STK24: variants seen among roughly 807,000 people sequenced by gnomAD.
The protein encoded by STK24 is serine/threonine kinase 24.
A neutral mutation model predicts 55.6 loss-of-function variants in STK24; 21 were observed. The ratio of observed to expected loss-of-function variants is 0.38; its 90% CI spans 0.27 to 0.54. The LOEUF is 0.54. STK24 is among the 20% of genes least tolerant of loss of function. The pLI is 0.79. For synonymous variants in STK24, 200 were observed against 215.2 expected (o/e 0.93, Z 0.62); for missense variants, 383 against 538.4 (o/e 0.71, Z 2.86).
intron 1 of STK24, among the ~76,000 whole-genome samples, chr13:98,561,139 A>C (rs895242498): frequency 6.6e-6 from 1 of 152,190 alleles, no homozygotes; most frequent in Non-Finnish European, 1.5e-5. Flanking sequence ...CAGGAGTGTA[A>C]GTGTAACACC....
intron 1 of STK24, among the ~76,000 whole-genome samples, chr13:98,533,718 A>G (rs1450777463): frequency 6.6e-6 from 1 of 152,122 alleles, no homozygotes; most frequent in Non-Finnish European, 1.5e-5. Flanking sequence ...AAACACTACT[A>G]TACCACCTAG....
At position 98,451,169 on chromosome 13, in the gene STK24, T is replaced by TA. The variant is rs1893172267; in HGVS notation, c.*2003dup. ...CCATTTGTAAATCTGAAGAACTCTG[T>TA]AAATCAGAAAAGCTGCTGTCCGCCC... On this transcript the variant is annotated 3_prime_UTR_variant, in exon 11 of 11. Transcript: ENST00000539966. 6.6e-6 allele frequency: 1 copy of TA among 152,132 alleles called. No homozygotes were observed. The highest frequency in any genetic ancestry group is 6.5e-5 in the Admixed American group (1 of 15,284). 9.4% of individuals were successfully genotyped at this position (152,132 alleles called of 1,614,324 possible). A position where few individuals can be genotyped will look rare whatever the true frequency, so the allele number is the denominator to read the frequency against.
At chr13:98,491,337 G>A (rs1445593696) in intron 2 of STK24, among the ~76,000 whole-genome samples, 1 of 152,192 alleles carries the variant, frequency 6.6e-6, no homozygotes, top group Non-Finnish European at 1.5e-5. Flanking sequence ...AGCGGGGAGG[G>A]AGACCCCAGG....
chr13:98,519,565 C>G (rs1896187203), intron 1 of STK24, 92 bp from the exon 2 acceptor site: 9 of 1,007,322 alleles, frequency 8.9e-6, no homozygotes, highest in Admixed American at 1.9e-5. Context: ...ATAGACCACA[C>G]TGTCTTCCAG....
Position 98,463,916 on chromosome 13 carries a change from T to C in STK24, c.784-80A>G, listed in dbSNP as rs1033070296. On this transcript the variant is annotated intron_variant, in intron 6 of 10. Transcript: ENST00000539966. ...CAAAGGACAGACTTCTGCCTCAAAA[T>C]GTCAACCGCCACACTGACACCTGAT... 28 of 1,505,946 alleles carry C rather than the reference T, an allele frequency of 1.9e-5. No homozygotes were observed. In the African/African-American group the frequency reaches 3.9e-4, roughly 21 times the overall value. The allele number at this position is 1,505,946 out of a possible 1,614,324, so 93.3% of individuals were successfully genotyped here. A position where few individuals can be genotyped will look rare whatever the true frequency, so the allele number is the denominator to read the frequency against.
intron 3 of STK24, 126 bp from the exon 4 acceptor site, chr13:98,475,484 A>G: frequency 1.5e-6 from 1 of 647,170 alleles, no homozygotes; most frequent in South Asian, 2.3e-5. Context: ...TCTTCACTTA[A>G]AACACATGAT....
chr13:98,458,011 C>T (rs543341959), intron 9 of STK24, among the ~76,000 whole-genome samples: 2 of 152,342 alleles, frequency 1.3e-5, no homozygotes, highest in South Asian at 4.1e-4. Context: ...GATCTCAACA[C>T]TGCTTACTTC....
At chr13:98,499,429 C>T (rs1042150820) in intron 2 of STK24, among the ~76,000 whole-genome samples, 13 of 152,104 alleles carry the variant, frequency 8.5e-5, no homozygotes, top group Non-Finnish European at 1.5e-4. Context: ...GGAGTGATTG[C>T]GTATGGAAAG....
intron 1 of STK24, among the ~76,000 whole-genome samples, chr13:98,545,952 A>G (rs1897019102): frequency 6.6e-6 from 1 of 152,232 alleles, no homozygotes; most frequent in South Asian, 2.1e-4. Flanking sequence ...TGAAGCTAAA[A>G]AAAACATGAA....
At chr13:98,518,106 C>T (rs1326811894) in intron 2 of STK24, among the ~76,000 whole-genome samples, 1 of 152,226 alleles carries the variant, frequency 6.6e-6, no homozygotes, top group African/African-American at 2.4e-5. Context: ...CCAAAACTCA[C>T]TCTTTCCATT....
At chr13:98,505,830 C>T (rs1895661991) in intron 2 of STK24, among the ~76,000 whole-genome samples, 1 of 152,086 alleles carries the variant, frequency 6.6e-6, no homozygotes, top group Non-Finnish European at 1.5e-5. Flanking sequence ...TCTGCTTTTC[C>T]CGGGACAAAG....
At chr13:98,466,695 A>C in intron 5 of STK24, 134 bp from the exon 6 acceptor site, 1 of 984,948 alleles carries the variant, frequency 1.0e-6, no homozygotes, top group Non-Finnish European at 1.4e-6. Context: ...ATATTTAAAA[A>C]CATAAGCCCT....
At position 98,461,738 on chromosome 13, in the gene STK24, A is replaced by AC. The variant is rs750559494; in HGVS notation, c.1053+35_1053+36insG. On this transcript the variant is annotated intron_variant, in intron 8 of 10. Coordinates refer to ENST00000539966, the MANE Select transcript of STK24 (RefSeq NM_001032296.4). ...AGTGCCTCCAAAACACTGCAGACTG[A>AC]GGTCAGCGTGGCCATTCTGGAGTGA... 1.2e-5 allele frequency: 19 copies of AC among 1,606,568 alleles called. No individual in the cohort carries two copies. The East Asian group carries it at 1.3e-4, about 11-fold the overall frequency.
chr13:98,500,789 G>C (rs1318432971), intron 2 of STK24, among the ~76,000 whole-genome samples: 1 of 151,856 alleles, frequency 6.6e-6, no homozygotes, highest in African/African-American at 2.4e-5. Context: ...GTGCTGGGTA[G>C]GCCCAACTTA....
At chr13:98,532,257 A>G (rs1312228616) in intron 1 of STK24, among the ~76,000 whole-genome samples, 1 of 152,026 alleles carries the variant, frequency 6.6e-6, no homozygotes, top group Admixed American at 6.6e-5. Context: ...GCAGGGGAGG[A>G]GGCACCTCCC....
In STK24 at chr13:98,489,217, C is replaced by T. The variant is rs147124104; in HGVS notation, c.274-6896G>A. 2.6e-4 allele frequency among the ~76,000 whole-genome samples: 39 copies of T among 152,242 alleles called. No homozygotes were observed. In the East Asian group the frequency reaches 6.6e-3, roughly 26 times the overall value. ...GGCTTCGATGATGATGAAGTGAGGC[C>T]GTGTACACAGCAAGACTCATCAACT... On this transcript the variant is annotated intron_variant, in intron 2 of 10. Transcript: ENST00000539966.
chr13:98,520,709 A>G (rs1455323937), intron 1 of STK24, among the ~76,000 whole-genome samples: 1 of 152,232 alleles, frequency 6.6e-6, no homozygotes, highest in Non-Finnish European at 1.5e-5. Context: ...CTCCAAGGTG[A>G]GACACACTGA....
chr13:98,534,165 AC>A (rs1422570766), intron 1 of STK24, among the ~76,000 whole-genome samples: 1 of 152,008 alleles, frequency 6.6e-6, no homozygotes, highest in East Asian at 1.9e-4. Context: ...CCACCAGGGA[AC>A]CTCAGCCCTG....
intron 1 of STK24, among the ~76,000 whole-genome samples, chr13:98,570,008 C>G (rs1897697930): frequency 6.6e-6 from 1 of 151,844 alleles, no homozygotes; most frequent in Admixed American, 6.6e-5. Context: ...TCCCAAGTAG[C>G]TGGGAATACA....
Sources: gnomAD v4.1 joint callset for allele counts (sites outside exome capture counted in the v4.1 genomes callset) on GRCh38, gnomAD v4.1.1 for gene constraint, MANE v1.5 for transcripts, NCBI Gene and HGNC (gene_info 2026-07-23, HGNC 2026-07-21) for gene names.